The following USP3 variants were observed in gnomAD, a reference collection of about 807,000 sequenced individuals.
USP3 encodes ubiquitin carboxyl-terminal hydrolase 3.
A neutral mutation model predicts 72.3 loss-of-function variants in USP3; 20 were observed. The observed-to-expected ratio is 0.28, with a 90% CI of 0.19 to 0.40. The LOEUF is 0.40. Among genes scored for constraint, USP3 ranks in the 10% least tolerant of loss-of-function variants. The pLI, the probability that USP3 is intolerant of heterozygous loss-of-function variation, is 1.00. For missense variants in USP3, 479 were observed against 633.9 expected (o/e 0.76, Z 2.62); for synonymous variants, 222 against 225.3 (o/e 0.99, Z 0.13).
intron 3 of USP3, among the ~76,000 whole-genome samples, chr15:63,537,988 A>ATT (rs71753337): frequency 7.1e-5 from 10 of 141,092 alleles, no homozygotes; most frequent in South Asian, 2.3e-4. Flanking sequence ...TTCCAGTGCT[A>ATT]TTTTTTTTTT....
intron 1 of USP3, among the ~76,000 whole-genome samples, chr15:63,523,049 A>G (rs966697781): frequency 6.6e-6 from 1 of 152,224 alleles, no homozygotes; most frequent in African/African-American, 2.4e-5. Flanking sequence ...TTCCTGAAGT[A>G]TTTTACATTA....
rs2152677937 is a variant in USP3, at chr15:63,570,833, TA to T, written c.908+255del. ...TAGATTATTTTAAATTTTGAAAAAA[TA>T]GAAAATATTTGTACAGTTCAGCATT... is the stretch of plus-strand genomic sequence containing the variant. On this transcript the variant is annotated intron_variant, in intron 9 of 14. Transcript: ENST00000380324. The surrounding 1 kb of genome is among the most constrained non-coding windows in gnomAD (Gnocchi z 4.4). Among the ~76,000 whole-genome samples, 1 of 152,298 alleles carries T rather than the reference TA, an allele frequency of 6.6e-6. No homozygotes were observed. The highest frequency in any genetic ancestry group is 1.9e-4 in the East Asian group (1 of 5,190).
At chr15:63,587,867 A>G (rs1444770148) in intron 11 of USP3, 1 of 153,134 alleles carries the variant, frequency 6.5e-6, no homozygotes, top group Non-Finnish European at 1.5e-5. Context: ...CTGGACAGAG[A>G]AGGTTGATAG....
At chr15:63,521,069 T>C (rs572698940) in intron 1 of USP3, among the ~76,000 whole-genome samples, 3 of 152,094 alleles carry the variant, frequency 2.0e-5, no homozygotes, top group Middle Eastern at 3.4e-3. Context: ...GTGTTTCTTT[T>C]TGTAAAGAAA....
At chr15:63,539,690 G>T (rs542924380) in intron 3 of USP3, among the ~76,000 whole-genome samples, 1 of 152,156 alleles carries the variant, frequency 6.6e-6, no homozygotes, top group African/African-American at 2.4e-5. Flanking sequence ...CTTCTTGGCC[G>T]ATTGCCAGGC....
In USP3 at chr15:63,552,615, C is replaced by G. The variant is rs566070334; in HGVS notation, c.285-1100C>G. ...GTGTGTTAAATAATTACATATATAA[C>G]ATTGTAGTGACAGTTTTGAGAAGCA... On this transcript the variant is annotated intron_variant, in intron 3 of 14. Transcript: ENST00000380324. Among the ~76,000 whole-genome samples, 3 of 152,262 alleles carry G rather than the reference C, an allele frequency of 2.0e-5. No individual in the cohort carries two copies. The South Asian group carries it at 6.2e-4, about 32-fold the overall frequency.
intron 1 of USP3, among the ~76,000 whole-genome samples, chr15:63,521,174 T>G (rs922203404): frequency 6.7e-6 from 1 of 150,200 alleles, no homozygotes; most frequent in Non-Finnish European, 1.5e-5. Context: ...CTGTATATCC[T>G]GGATGTCACT....
rs1292796181 is a variant in USP3, at chr15:63,529,284, CCTT to C, written c.92-3362_92-3360del. On this transcript the variant is annotated intron_variant, in intron 1 of 14. Transcript: ENST00000380324. This position sits in a 1 kb window ranked among gnomAD's most constrained non-coding sequence, Gnocchi z 4.2. Reference sequence around the variant, plus strand: ...TACTTTATTCCCTTTTACTTTCTCTCCTTATCATTACGTATCTGTCTGTCTAAT... The same window carrying C: ...TACTTTATTCCCTTTTACTTTCTCTCATCATTACGTATCTGTCTGTCTAAT... 8 of 373,992 alleles carry C rather than the reference CCTT, an allele frequency of 2.1e-5. No individual in the cohort carries two copies. The East Asian group carries it at 5.7e-4, about 27-fold the overall frequency. The allele number at this position is 373,992 out of a possible 1,614,324, so 23.2% of individuals were successfully genotyped here.
In USP3 at chr15:63,504,636, A is replaced by G; in HGVS notation, c.-104A>G. On this transcript the variant is annotated 5_prime_UTR_variant, in exon 1 of 15. Coordinates refer to ENST00000380324, the MANE Select transcript of USP3 (RefSeq NM_006537.4). ...CTCGAGACGCAGCCGCCGTCGGCCG[A>G]GCGCCCGGCTAGAAGCGACACCAGA... The G allele has an allele frequency of 9.9e-7, 1 of 1,011,238 alleles. No homozygotes were observed. The highest frequency in any genetic ancestry group is 1.4e-6 in the Non-Finnish European group (1 of 733,198). The allele number at this position is 1,011,238 out of a possible 1,614,324, so 62.6% of individuals were successfully genotyped here.
chr15:63,560,902 C>T (rs1350225277), intron 7 of USP3, among the ~76,000 whole-genome samples: 1 of 152,224 alleles, frequency 6.6e-6, no homozygotes, highest in Non-Finnish European at 1.5e-5. Context: ...TCCACTTCCA[C>T]ACACTCCCAT....
intron 6 of USP3, among the ~76,000 whole-genome samples, chr15:63,558,434 T>C (rs535954962): frequency 6.6e-6 from 1 of 152,278 alleles, no homozygotes; most frequent in South Asian, 2.1e-4. Context: ...TGAATAGTTG[T>C]TTGCGGTTAT....
At chr15:63,579,670 A>G (rs1333397387) in intron 11 of USP3, among the ~76,000 whole-genome samples, 2 of 152,202 alleles carry the variant, frequency 1.3e-5, no homozygotes, top group East Asian at 3.8e-4. Flanking sequence ...CAGAACCTAT[A>G]ATGGGAAACG....
chr15:63,504,638 C>A lies in USP3; in HGVS notation c.-102C>A. 1.9e-6 allele frequency: 2 copies of A among 1,028,840 alleles called. No individual in the cohort carries two copies. The highest frequency in any genetic ancestry group is 2.7e-6 in the Non-Finnish European group (2 of 748,530). 63.7% of individuals were successfully genotyped at this position (1,028,840 alleles called of 1,614,324 possible). ...CGAGACGCAGCCGCCGTCGGCCGAG[C>A]GCCCGGCTAGAAGCGACACCAGACG... On this transcript the variant is annotated 5_prime_UTR_variant, in exon 1 of 15. Coordinates refer to ENST00000380324, the MANE Select transcript of USP3 (RefSeq NM_006537.4).
intron 4 of USP3, 175 bp from the exon 5 acceptor site, chr15:63,556,491 AG>A (rs1348093617): frequency 2.1e-6 from 1 of 467,992 alleles, no homozygotes; most frequent in Non-Finnish European, 3.9e-6. Flanking sequence ...GGGATTTCCA[AG>A]GAAGTAGAGC....
chr15:63,518,335 AG>A (rs1473390881), intron 1 of USP3, among the ~76,000 whole-genome samples: 1 of 152,210 alleles, frequency 6.6e-6, no homozygotes, highest in African/African-American at 2.4e-5. Context: ...TGCCTGTGAA[AG>A]AAAGTTGTAA....
Position 63,594,039 on chromosome 15 carries a change from G to A in USP3, c.*3213G>A, listed in dbSNP as rs1314961166. On this transcript the variant is annotated 3_prime_UTR_variant, in exon 15 of 15. Transcript: ENST00000380324. ...GATGTACTAGAATTAAACCAGTCAA[G>A]TGTACTGGCCCGGGGTGAGTGTTAA... 1 of 152,288 alleles carries A rather than the reference G, an allele frequency of 6.6e-6. No individual in the cohort carries two copies. Among genetic ancestry groups the A allele is most frequent in the African/African-American group, 2.4e-5 (1 of 41,466 alleles). The allele number at this position is 152,288 out of a possible 1,614,324, so 9.4% of individuals were successfully genotyped here. A position where few individuals can be genotyped will look rare whatever the true frequency, so the allele number is the denominator to read the frequency against.
Position 63,574,479 on chromosome 15 carries a change from G to T in USP3, c.1096+76G>T. 9.0e-7 allele frequency: 1 copy of T among 1,116,924 alleles called. No homozygotes were observed. 69.2% of individuals were successfully genotyped at this position (1,116,924 alleles called of 1,614,324 possible). A position where few individuals can be genotyped will look rare whatever the true frequency, so the allele number is the denominator to read the frequency against. On this transcript the variant is annotated intron_variant, in intron 11 of 14. Coordinates refer to ENST00000380324, the MANE Select transcript of USP3 (RefSeq NM_006537.4). The surrounding 1 kb of genome is among the most constrained non-coding windows in gnomAD (Gnocchi z 4.6). ...GATTGATAAGCTTCATCTATATGTG[G>T]TATCTTTAATTAATATCTTTAATGA... is the stretch of plus-strand genomic sequence containing the variant.
At chr15:63,555,226 A>C (rs915741502) in intron 4 of USP3, among the ~76,000 whole-genome samples, 1 of 152,066 alleles carries the variant, frequency 6.6e-6, no homozygotes, top group Non-Finnish European at 1.5e-5. Flanking sequence ...ATGTTGAAAA[A>C]CATTACCTAG....
intron 1 of USP3, among the ~76,000 whole-genome samples, chr15:63,527,239 C>T (rs2065995782): frequency 6.6e-6 from 1 of 152,178 alleles, no homozygotes; most frequent in Non-Finnish European, 1.5e-5. Flanking sequence ...ACATGATCAT[C>T]ACCTACTCTT....
Sources: allele counts gnomAD v4.1 joint callset (sites outside exome capture counted in the v4.1 genomes callset), GRCh38; gene constraint gnomAD v4.1.1; non-coding constraint Gnocchi (gnomAD v3.1); transcripts MANE v1.5; gene names NCBI Gene and HGNC (gene_info 2026-07-23, HGNC 2026-07-21).